ZNF362: variants seen among roughly 807,000 people sequenced by gnomAD.
ZNF362 encodes the protein zinc finger protein 362.
In ZNF362, 11 loss-of-function variants were observed where a neutral mutation model predicts 42.9. The observed-to-expected ratio is 0.26, with a 90% CI of 0.16 to 0.42. The LOEUF is 0.42. ZNF362 is among the 20% of genes least tolerant of loss of function. ZNF362 has a pLI of 1.00. For missense variants in ZNF362, 362 were observed against 576.2 expected (o/e 0.63, Z 3.81); for synonymous variants, 255 against 257.3 (o/e 0.99, Z 0.09).
At chr1:33,183,228 G>T in the ZNF362 span, among the ~76,000 whole-genome samples, 1 of 152,098 alleles carries the variant, frequency 6.6e-6, no homozygotes, top group Non-Finnish European at 1.5e-5. Flanking sequence ...CGGGGGTGAG[G>T]GAAATGAGCC....
the ZNF362 span, among the ~76,000 whole-genome samples, chr1:33,211,853 C>T: frequency 6.6e-5 from 10 of 152,086 alleles, no homozygotes; most frequent in Non-Finnish European, 4.4e-5. Flanking sequence ...TCCATTCTCC[C>T]CATCACTTTC....
the ZNF362 span, among the ~76,000 whole-genome samples, chr1:33,158,840 T>C: frequency 6.6e-6 from 1 of 151,266 alleles, no homozygotes; most frequent in Admixed American, 6.8e-5. Context: ...TTTTTTTCTT[T>C]TTTTTCTTTT....
chr1:33,226,273 A>G, the ZNF362 span, among the ~76,000 whole-genome samples: 1 of 152,194 alleles, frequency 6.6e-6, no homozygotes, highest in African/African-American at 2.4e-5. Flanking sequence ...GAAATATTGA[A>G]TGATTTTTCT....
the ZNF362 span, among the ~76,000 whole-genome samples, chr1:33,201,189 T>C: frequency 6.6e-6 from 1 of 152,098 alleles, no homozygotes; most frequent in Non-Finnish European, 1.5e-5. Flanking sequence ...AAAGCCACAA[T>C]GATAGTAGGA....
intron 6 of ZNF362, among the ~76,000 whole-genome samples, chr1:33,285,865 C>T (rs892155851): frequency 6.6e-6 from 1 of 152,268 alleles, no homozygotes; most frequent in East Asian, 1.9e-4. Context: ...GAGTTTGAGA[C>T]CAGCCTGGTC....
the ZNF362 span, among the ~76,000 whole-genome samples, chr1:33,128,446 C>G: frequency 6.6e-6 from 1 of 152,114 alleles, no homozygotes; most frequent in Non-Finnish European, 1.5e-5. Flanking sequence ...ACCACAGTAA[C>G]CAGGTAAGTT....
At chr1:33,297,344 T>G (rs1284094108) in intron 8 of ZNF362, among the ~76,000 whole-genome samples, 1 of 109,990 alleles carries the variant, frequency 9.1e-6, no homozygotes, top group Non-Finnish European at 2.2e-5. Context: ...AATTGCACTT[T>G]ATCTCTCTGA....
At chr1:33,201,904 A>G in the ZNF362 span, among the ~76,000 whole-genome samples, 1 of 152,216 alleles carries the variant, frequency 6.6e-6, no homozygotes, top group Non-Finnish European at 1.5e-5. Context: ...GAAAATATAA[A>G]TTATTTCAAT....
At chr1:33,272,626 C>G (rs1450483762) in intron 2 of ZNF362, among the ~76,000 whole-genome samples, 2 of 152,126 alleles carry the variant, frequency 1.3e-5, no homozygotes, top group Non-Finnish European at 2.9e-5. Flanking sequence ...TTTCCTCTGC[C>G]CATTCTGGTA....
the ZNF362 span, chr1:33,165,837 C>T: frequency 3.3e-6 from 1 of 301,934 alleles, no homozygotes. This position sits in a 1 kb window ranked among gnomAD's most constrained non-coding sequence, Gnocchi z 4.0. Flanking sequence ...CTTCCACATA[C>T]ACACTCTCTG....
chr1:33,229,188 C>T, the ZNF362 span, among the ~76,000 whole-genome samples: 1 of 152,194 alleles, frequency 6.6e-6, no homozygotes, highest in African/African-American at 2.4e-5. Flanking sequence ...TTCTCCACAA[C>T]CCTTAACATC....
chr1:33,161,229 G>A, the ZNF362 span, among the ~76,000 whole-genome samples: 1 of 152,212 alleles, frequency 6.6e-6, no homozygotes, highest in Non-Finnish European at 1.5e-5. The surrounding 1 kb of genome is among the most constrained non-coding windows in gnomAD (Gnocchi z 4.3). Context: ...TTCATTGAGA[G>A]ACGGGTTCTG....
the ZNF362 span, chr1:33,165,350 C>T: frequency 3.2e-6 from 3 of 927,034 alleles, no homozygotes; most frequent in Non-Finnish European, 4.8e-6. The surrounding 1 kb of genome is among the most constrained non-coding windows in gnomAD (Gnocchi z 4.0). Context: ...AGGTTTGGCT[C>T]CTTGAAGCCA....
chr1:33,157,755 T>G, the ZNF362 span, among the ~76,000 whole-genome samples: 1 of 152,010 alleles, frequency 6.6e-6, no homozygotes, highest in Non-Finnish European at 1.5e-5. Flanking sequence ...CATGTTTTTT[T>G]TTTTTCTTCC....
At chr1:33,256,382 G>A (rs868191342), upstream of ZNF362, among the ~76,000 whole-genome samples, 1,599 of 144,632 alleles carry the variant, frequency 0.011, 19 homozygotes, top group Non-Finnish European at 0.018. Context: ...GGCCCCCCCG[G>A]AGCCGGGCGC....
chr1:33,159,881 G>T, the ZNF362 span: 1 of 1,611,672 alleles, frequency 6.2e-7, no homozygotes. This position sits in a 1 kb window ranked among gnomAD's most constrained non-coding sequence, Gnocchi z 4.2. Flanking sequence ...TGGCGTTCAC[G>T]CAGCAGCCGG....
the ZNF362 span, among the ~76,000 whole-genome samples, chr1:33,242,956 T>C: frequency 6.6e-6 from 1 of 152,170 alleles, no homozygotes; most frequent in Non-Finnish European, 1.5e-5. Context: ...GGAACCTGGA[T>C]TGTGTCTGAG....
the ZNF362 span, among the ~76,000 whole-genome samples, chr1:33,197,494 C>A: frequency 6.6e-6 from 1 of 152,174 alleles, no homozygotes; most frequent in Non-Finnish European, 1.5e-5. Context: ...ATGCGTCCAT[C>A]ATTGATCAAA....
At chr1:33,222,778 G>T in the ZNF362 span, among the ~76,000 whole-genome samples, 2 of 152,138 alleles carry the variant, frequency 1.3e-5, no homozygotes, top group Non-Finnish European at 2.9e-5. Context: ...ACCTCTCATA[G>T]AGGCCTTCTT....
Sources: allele counts gnomAD v4.1 joint callset (sites outside exome capture counted in the v4.1 genomes callset), GRCh38; gene constraint gnomAD v4.1.1; non-coding constraint Gnocchi (gnomAD v3.1); transcripts MANE v1.5; gene names NCBI Gene and HGNC (gene_info 2026-07-23, HGNC 2026-07-21).